The following ZBTB16 variants were observed in gnomAD, a reference collection of about 807,000 sequenced individuals.
The protein encoded by ZBTB16 is zinc finger and BTB domain containing 16.
Under a neutral mutation model 56.8 loss-of-function variants are expected in ZBTB16, and 8 were observed. The observed-to-expected ratio is 0.14, with a 90% CI of 0.08 to 0.25. ZBTB16 has a LOEUF of 0.25. Ranked by LOEUF, ZBTB16 falls within the 10% of genes least tolerant of loss-of-function variation. ZBTB16 has a pLI of 1.00. For missense variants in ZBTB16, 625 were observed against 903.0 expected, an observed-to-expected ratio of 0.69 and a Z score of 3.95; for synonymous variants, 363 against 368.5, an observed-to-expected ratio of 0.98 and a Z score of 0.17.
chr11:114,096,638 C>T (rs1175342295), intron 2 of ZBTB16, among the ~76,000 whole-genome samples: 3 of 152,020 alleles, frequency 2.0e-5, no homozygotes, highest in African/African-American at 4.8e-5. Context: ...TTCCTGCAGC[C>T]GAGGAACCCT....
In ZBTB16 at chr11:114,253,900, T is replaced by A. The variant is rs1475508082; in HGVS notation, c.*3345T>A. Among the ~76,000 whole-genome samples the A allele has an allele frequency of 6.6e-6, 1 of 152,170 alleles. No individual in the cohort carries two copies. Among genetic ancestry groups the A allele is most frequent in the Non-Finnish European group, 1.5e-5 (1 of 68,036 alleles). On this transcript the variant is annotated 3_prime_UTR_variant, in exon 7 of 7. Coordinates refer to ENST00000335953, the MANE Select transcript of ZBTB16 (RefSeq NM_006006.6). ...TCTGAATATCTGTCCTCCCCTCTTCTTCATGCCACCTGACTCCTTCGGCCC... is the reference window on the plus strand; with the variant it reads ...TCTGAATATCTGTCCTCCCCTCTTCATCATGCCACCTGACTCCTTCGGCCC...
intron 1 of ZBTB16, chr11:114,061,459 C>G (rs1938863346): frequency 6.6e-6 from 1 of 152,324 alleles, no homozygotes; most frequent in African/African-American, 2.4e-5. Flanking sequence ...TCCGTCCCCA[C>G]CCCGGGGCGG....
chr11:114,213,529 G>A (rs2135135005), intron 4 of ZBTB16, among the ~76,000 whole-genome samples: 1 of 152,322 alleles, frequency 6.6e-6, no homozygotes, highest in Non-Finnish European at 1.5e-5. Flanking sequence ...GCTCATGGGA[G>A]GAGACCCCAG....
chr11:114,091,604 C>T (rs897036048), intron 2 of ZBTB16, among the ~76,000 whole-genome samples: 13 of 141,198 alleles, frequency 9.2e-5, no homozygotes, highest in African/African-American at 3.1e-4. Flanking sequence ...TTTTGTTCCT[C>T]CCTCCCTCCC....
chr11:114,146,316 G>A (rs1367118819), intron 2 of ZBTB16, among the ~76,000 whole-genome samples: 2 of 152,008 alleles, frequency 1.3e-5, no homozygotes, highest in Admixed American at 1.3e-4. Flanking sequence ...TGGTTTTCCT[G>A]CCCCTTTCAG....
intron 2 of ZBTB16, among the ~76,000 whole-genome samples, chr11:114,130,720 C>T (rs545351791): frequency 6.6e-6 from 1 of 152,234 alleles, no homozygotes; most frequent in East Asian, 1.9e-4. Flanking sequence ...CCCAACTGCT[C>T]CTAAATAAAA....
intron 4 of ZBTB16, among the ~76,000 whole-genome samples, chr11:114,194,180 A>T (rs1249183475): frequency 1.3e-5 from 2 of 152,204 alleles, no homozygotes; most frequent in Non-Finnish European, 2.9e-5. Context: ...CCTGAATCAG[A>T]TCAGTTTCAT....
At chr11:114,140,945 G>A (rs1267884947) in intron 2 of ZBTB16, among the ~76,000 whole-genome samples, 9 of 152,034 alleles carry the variant, frequency 5.9e-5, no homozygotes, top group East Asian at 1.9e-4. Context: ...AGCCTCCCGC[G>A]CCCAGCCAGC....
intron 4 of ZBTB16, among the ~76,000 whole-genome samples, chr11:114,221,186 T>C (rs1039758208): frequency 2.0e-5 from 3 of 152,118 alleles, no homozygotes; most frequent in Non-Finnish European, 2.9e-5. Context: ...CAAGCAGCAA[T>C]ATCACTGAGT....
At chr11:114,192,479 G>A (rs1259375009) in intron 4 of ZBTB16, among the ~76,000 whole-genome samples, 1 of 152,202 alleles carries the variant, frequency 6.6e-6, no homozygotes, top group African/African-American at 2.4e-5. Context: ...GTGGAAGAAG[G>A]AAGAACACCA....
At chr11:114,135,623 G>C (rs117671159) in intron 2 of ZBTB16, among the ~76,000 whole-genome samples, 1 of 152,210 alleles carries the variant, frequency 6.6e-6, no homozygotes, top group East Asian at 1.9e-4. Context: ...ACAAAGCCCT[G>C]CCAGCACCTT....
At position 114,250,462 on chromosome 11, in the gene ZBTB16, C is replaced by T. The variant is rs758046668; in HGVS notation, c.1929C>T (p.Ser643=). 2 of 1,614,132 alleles carry T rather than the reference C, an allele frequency of 1.2e-6. No homozygotes were observed. Among genetic ancestry groups the T allele is most frequent in the South Asian group, 1.1e-5 (1 of 91,080 alleles). Reference sequence around the variant, plus strand: ...GCACAGAGTACTGCCCCAGCCTCTCCTCCATGCAGAAGCACATGAAGGGCC... The same window carrying T: ...GCACAGAGTACTGCCCCAGCCTCTCTTCCATGCAGAAGCACATGAAGGGCC... The part of the protein sequence containing the change: ...TICTEYCPSL[S]SMQKHMKGHK... The change falls in exon 7 of 7, where the codon TCC becomes TCT. Residue 643 remains serine, a synonymous_variant. Transcript: ENST00000335953. This position sits in a 1 kb window ranked among gnomAD's most constrained non-coding sequence, Gnocchi z 6.0.
chr11:114,148,413 C>CTCTCTCTCTCTCTCTCTCTGTCTGTCTG (rs1209062465), intron 2 of ZBTB16, among the ~76,000 whole-genome samples: 5 of 18,198 alleles, frequency 2.7e-4, no homozygotes, highest in African/African-American at 4.3e-4. Flanking sequence ...CCCTCCCTCC[C>CTCTCTCTCTCTCTCTCTCTGTCTGTCTG]TCCCTCCCTC....
chr11:114,138,190 G>A (rs1941846975), intron 2 of ZBTB16, among the ~76,000 whole-genome samples: 5 of 152,174 alleles, frequency 3.3e-5, no homozygotes, highest in Admixed American at 2.6e-4. Context: ...CCATTTTAGA[G>A]TAAAACAGGC....
intron 2 of ZBTB16, among the ~76,000 whole-genome samples, chr11:114,131,920 ATC>A (rs1244427997): frequency 6.6e-6 from 1 of 152,132 alleles, no homozygotes; most frequent in Non-Finnish European, 1.5e-5. Flanking sequence ...CATGCTCTGT[ATC>A]TTTGACTTTC....
rs866690833 is a variant in ZBTB16, at chr11:114,207,602, C to G, written c.1453+20564C>G. 8.9e-3 allele frequency among the ~76,000 whole-genome samples: 1,350 copies of G among 151,610 alleles called. 17 individuals are homozygous for G. Among genetic ancestry groups the G allele is most frequent in the African/African-American group, 0.028 (1,170 of 41,228 alleles). On this transcript the variant is annotated intron_variant, in intron 4 of 6. Coordinates refer to ENST00000335953, the MANE Select transcript of ZBTB16 (RefSeq NM_006006.6). ...GATACACACACACAACACACACACA[C>G]ACACACACACACACACACACACACA...
intron 2 of ZBTB16, among the ~76,000 whole-genome samples, chr11:114,075,181 G>A (rs112924552): frequency 2.2e-4 from 33 of 152,306 alleles, no homozygotes; most frequent in African/African-American, 6.3e-4. Context: ...GTGGTAAGAA[G>A]CTGGAGAGCA....
chr11:114,135,318 TA>T (rs1185261994), intron 2 of ZBTB16, among the ~76,000 whole-genome samples: 2 of 152,218 alleles, frequency 1.3e-5, no homozygotes, highest in Non-Finnish European at 2.9e-5. Flanking sequence ...AGTGACTCCC[TA>T]AAGATGTCAT....
chr11:114,248,001 G>A (rs775175926), intron 6 of ZBTB16, among the ~76,000 whole-genome samples: 31 of 151,950 alleles, frequency 2.0e-4, no homozygotes, highest in Non-Finnish European at 4.1e-4. Flanking sequence ...GGGTTCAAGC[G>A]ATTCTCCTGC....
Sources: gnomAD v4.1 joint callset for allele counts (sites outside exome capture counted in the v4.1 genomes callset) on GRCh38, gnomAD v4.1.1 for gene constraint, Gnocchi (gnomAD v3.1) non-coding constraint, MANE v1.5 for transcripts, NCBI Gene and HGNC (gene_info 2026-07-23, HGNC 2026-07-21) for gene names.